The following AGMO variants were observed in gnomAD, a reference collection of about 807,000 sequenced individuals.
AGMO encodes the protein alkylglycerol monooxygenase.
Under a neutral mutation model 60.2 loss-of-function variants are expected in AGMO, and 75 were observed. The ratio of observed to expected loss-of-function variants is 1.25; its 90% CI spans 1.03 to 1.51. The LOEUF is 1.51. Ranked by LOEUF, AGMO falls within the 40% of genes most tolerant of loss-of-function variation. The probability of loss-of-function intolerance (pLI) is 0.00; values close to 1 mark genes in which losing one functional copy is unlikely to be tolerated. For synonymous variants in AGMO, 261 were observed against 177.1 expected (o/e 1.47, Z -3.76); for missense variants, 763 against 525.5 (o/e 1.45, Z -4.42).
intron 10 of AGMO, among the ~76,000 whole-genome samples, chr7:15,377,192 TAAAC>T (rs1783489862): frequency 1.3e-5 from 2 of 152,106 alleles, no homozygotes; most frequent in South Asian, 2.1e-4. Flanking sequence ...ATTTTGCAAA[TAAAC>T]AACCTTTCTT....
chr7:15,277,330 TAA>T (rs1783828671), intron 12 of AGMO, among the ~76,000 whole-genome samples: 1 of 146,064 alleles, frequency 6.8e-6, no homozygotes, highest in Admixed American at 7.0e-5. Flanking sequence ...AATAAATAAA[TAA>T]ATAAATAAAT....
Position 15,245,228 on chromosome 7 carries a change from G to C in AGMO, c.1264-43869C>G, listed in dbSNP as rs532194288. 2.0e-5 allele frequency among the ~76,000 whole-genome samples: 3 copies of C among 152,008 alleles called. 1 individual carries two copies. The highest frequency in any genetic ancestry group is 7.3e-5 in the African/African-American group (3 of 41,356). On this transcript the variant is annotated intron_variant, in intron 12 of 12. Coordinates refer to ENST00000342526, the MANE Select transcript of AGMO (RefSeq NM_001004320.2). The stretch of plus-strand genomic sequence containing the variant: ...TTGACTACAATGAAAGATGTCCTCT[G>C]CACCAACTAATCTCCTACTCTACCA...
chr7:15,220,675 A>AT (rs1275088502), intron 12 of AGMO, among the ~76,000 whole-genome samples: 2 of 151,888 alleles, frequency 1.3e-5, no homozygotes, highest in Non-Finnish European at 2.9e-5. Flanking sequence ...GAATATATAA[A>AT]TTATCTTATT....
chr7:15,282,215 A>C (rs1783986410), intron 12 of AGMO, among the ~76,000 whole-genome samples: 2 of 152,158 alleles, frequency 1.3e-5, no homozygotes, highest in African/African-American at 4.8e-5. Context: ...TGAGCAATGG[A>C]TCCAAACCAA....
chr7:15,521,274 A>G (rs1251683656), intron 3 of AGMO, among the ~76,000 whole-genome samples: 1 of 152,226 alleles, frequency 6.6e-6, no homozygotes, highest in Non-Finnish European at 1.5e-5. Flanking sequence ...AGGTACAAAG[A>G]GGAGCTGGTA....
At chr7:15,415,639 T>C (rs1284970395) in intron 5 of AGMO, among the ~76,000 whole-genome samples, 1 of 152,148 alleles carries the variant, frequency 6.6e-6, no homozygotes, top group African/African-American at 2.4e-5. Flanking sequence ...CATTACATGA[T>C]ATATACATAA....
chr7:15,461,087 C>CTATT (rs991352646), intron 3 of AGMO, among the ~76,000 whole-genome samples: 1 of 151,896 alleles, frequency 6.6e-6, no homozygotes, highest in African/African-American at 2.4e-5. Flanking sequence ...AAATGTATGG[C>CTATT]TATTTTATAA....
intron 12 of AGMO, among the ~76,000 whole-genome samples, chr7:15,357,670 G>T (rs1034311389): frequency 6.6e-6 from 1 of 152,158 alleles, no homozygotes; most frequent in Non-Finnish European, 1.5e-5. Flanking sequence ...TACAGAACTT[G>T]GCCTGGCCCA....
At chr7:15,312,782 C>G (rs1209981034) in intron 12 of AGMO, among the ~76,000 whole-genome samples, 1 of 151,568 alleles carries the variant, frequency 6.6e-6, no homozygotes, top group Admixed American at 6.6e-5. Flanking sequence ...CTCCTGGGCT[C>G]AAGAGCCTCC....
At chr7:15,535,241 C>G (rs1784459298) in intron 3 of AGMO, among the ~76,000 whole-genome samples, 1 of 151,768 alleles carries the variant, frequency 6.6e-6, no homozygotes, top group Non-Finnish European at 1.5e-5. Flanking sequence ...CTATCTTTTG[C>G]TCACCTGTGC....
intron 5 of AGMO, among the ~76,000 whole-genome samples, chr7:15,404,572 G>A (rs889521971): frequency 6.6e-6 from 1 of 151,776 alleles, no homozygotes; most frequent in Admixed American, 6.6e-5. Flanking sequence ...ACAGGTTTAG[G>A]CATCCAGTGA....
intron 3 of AGMO, among the ~76,000 whole-genome samples, chr7:15,514,467 T>A (rs1005109275): frequency 6.6e-6 from 1 of 152,170 alleles, no homozygotes; most frequent in Non-Finnish European, 1.5e-5. Flanking sequence ...GAGAGATATA[T>A]AGTATTTATG....
intron 3 of AGMO, among the ~76,000 whole-genome samples, chr7:15,436,260 T>A (rs990055655): frequency 3.3e-5 from 5 of 152,252 alleles, no homozygotes; most frequent in African/African-American, 1.2e-4. Context: ...GAATTTGTAA[T>A]AAACAGGAAT....
chr7:15,317,944 C>T (rs1478293779), intron 12 of AGMO, among the ~76,000 whole-genome samples: 1 of 146,078 alleles, frequency 6.8e-6, no homozygotes, highest in East Asian at 2.0e-4. Context: ...TATATATACA[C>T]ACACACACAC....
At chr7:15,483,322 C>G (rs1404699936) in intron 3 of AGMO, among the ~76,000 whole-genome samples, 2 of 152,020 alleles carry the variant, frequency 1.3e-5, no homozygotes, top group Non-Finnish European at 2.9e-5. Flanking sequence ...ATCCCAGCAC[C>G]TTGGGAGGCC....
At chr7:15,525,920 C>A (rs1784117160) in intron 3 of AGMO, among the ~76,000 whole-genome samples, 1 of 152,204 alleles carries the variant, frequency 6.6e-6, no homozygotes, top group Admixed American at 6.5e-5. Context: ...GCATTCCCCT[C>A]GTCTGAACAC....
At chr7:15,560,106 T>A in intron 2 of AGMO, 35 bp downstream of exon 2, 1 of 1,537,966 alleles carries the variant, frequency 6.5e-7, no homozygotes. Flanking sequence ...GCAATTTCAG[T>A]TTTTATGCTC....
At chr7:15,307,296 G>C (rs1189912270) in intron 12 of AGMO, among the ~76,000 whole-genome samples, 1 of 151,334 alleles carries the variant, frequency 6.6e-6, no homozygotes, top group Non-Finnish European at 1.5e-5. Context: ...CCATCTATTT[G>C]GAAGAAACCT....
intron 12 of AGMO, among the ~76,000 whole-genome samples, chr7:15,354,457 C>G (rs1395944671): frequency 0.012 from 216 of 17,584 alleles, 29 homozygotes; most frequent in African/African-American, 0.071. Context: ...TGTGTGTATA[C>G]ACACGTGTGT....
Sources: gnomAD v4.1 joint callset for allele counts (sites outside exome capture counted in the v4.1 genomes callset) on GRCh38, gnomAD v4.1.1 for gene constraint, MANE v1.5 for transcripts, NCBI Gene and HGNC (gene_info 2026-07-23, HGNC 2026-07-21) for gene names.